Variants in GLIS1 observed in about 807,000 individuals in gnomAD.
GLIS1 encodes the protein GLIS family zinc finger 1.
Under a neutral mutation model 63.8 loss-of-function variants are expected in GLIS1, and 24 were observed. That is an observed-to-expected ratio of 0.38 (90% CI 0.27 to 0.53). The LOEUF (loss-of-function observed/expected upper bound fraction) is 0.53, where lower values mean the gene tolerates loss of function less well. GLIS1 is among the 20% of genes least tolerant of loss of function. The pLI is 0.85. For missense variants in GLIS1, 1,036 were observed against 1,074.1 expected (o/e 0.96, Z 0.50); for synonymous variants, 450 against 482.5 (o/e 0.93, Z 0.88).
At chr1:53,689,080 T>C (rs538732778) in intron 2 of GLIS1, among the ~76,000 whole-genome samples, 1 of 152,340 alleles carries the variant, frequency 6.6e-6, no homozygotes, top group East Asian at 1.9e-4. Flanking sequence ...TCTCAGGTCG[T>C]TTGATGGTCT....
intron 4 of GLIS1, among the ~76,000 whole-genome samples, chr1:53,554,524 ATC>A (rs1644796751): frequency 6.6e-6 from 1 of 152,192 alleles, no homozygotes; most frequent in African/African-American, 2.4e-5. Context: ...CACACAGCAC[ATC>A]TGAGGAGGAG....
chr1:53,545,136 C>T (rs1391221994), intron 4 of GLIS1, among the ~76,000 whole-genome samples: 1 of 152,224 alleles, frequency 6.6e-6, no homozygotes, highest in Admixed American at 6.5e-5. Flanking sequence ...TCTGTGAAAA[C>T]CACCTAATAC....
intron 2 of GLIS1, among the ~76,000 whole-genome samples, chr1:53,723,995 G>A (rs12043385): frequency 0.12 from 18,575 of 152,224 alleles, 1,191 homozygotes; most frequent in East Asian, 0.23. Context: ...CACCAGGTCT[G>A]GCCACTCAAA....
At chr1:53,671,361 A>C (rs1646148702) in intron 2 of GLIS1, among the ~76,000 whole-genome samples, 1 of 152,078 alleles carries the variant, frequency 6.6e-6, no homozygotes, top group African/African-American at 2.4e-5. Context: ...AGGTGAAAAT[A>C]CTCTCCTCCT....
intron 2 of GLIS1, among the ~76,000 whole-genome samples, chr1:53,603,187 G>A (rs1645335902): frequency 6.6e-6 from 1 of 152,154 alleles, no homozygotes; most frequent in African/African-American, 2.4e-5. Context: ...GAAGGGGGAA[G>A]GCGCCACTCA....
intron 2 of GLIS1, among the ~76,000 whole-genome samples, chr1:53,643,395 A>T (rs945155294): frequency 6.6e-6 from 1 of 152,158 alleles, no homozygotes; most frequent in Non-Finnish European, 1.5e-5. Context: ...GGGTGGAGTC[A>T]CCTGAACTTG....
Position 53,737,995 on chromosome 1 carries a change from C to G in GLIS1, c.70G>C (p.Asp24His), listed in dbSNP as rs1010742600. 1 of 1,230,506 alleles carries G rather than the reference C, an allele frequency of 8.1e-7. No individual in the cohort carries two copies. The highest frequency in any genetic ancestry group is 1.0e-6 in the Non-Finnish European group (1 of 987,156). 76.2% of individuals were successfully genotyped at this position (1,230,506 alleles called of 1,614,324 possible). Residue 24 changes from aspartate (D) to histidine (H), a missense_variant, in exon 2 of 11, where the codon GAC becomes CAC. Around this residue, in one of 3 missense-constraint regions of GLIS1, gnomAD observed 592 missense variants for 593.9 expected, o/e 1.00. Transcript: ENST00000628545. ...GCGCCGAGGCTGGCGGGGCCGCGGT[C>G]GGGGCCGGGCGCACCAGGGGCCTCC... ...PKEAPGAPGP[D>H]RGPASLGAHM...
At chr1:53,552,902 C>T (rs1282465547) in intron 4 of GLIS1, among the ~76,000 whole-genome samples, 1 of 152,232 alleles carries the variant, frequency 6.6e-6, no homozygotes, top group Non-Finnish European at 1.5e-5. Context: ...AAACATTTAG[C>T]AACCCTGGGA....
Position 53,590,589 on chromosome 1 carries a change from G to C in GLIS1, c.1320+3519C>G, listed in dbSNP as rs1015346448. Among the ~76,000 whole-genome samples, 6 of 152,276 alleles carry C rather than the reference G, an allele frequency of 3.9e-5. No homozygotes were observed. In the South Asian group the frequency reaches 1.0e-3, roughly 26 times the overall value. On this transcript the variant is annotated intron_variant, in intron 4 of 10. Transcript: ENST00000628545. ...TGGGAGAACCAACCTAAGAAAGCAT[G>C]AAATTAATCTGTTCAAAGTTAATGT...
At chr1:53,671,488 T>C (rs576780530) in intron 2 of GLIS1, among the ~76,000 whole-genome samples, 21 of 152,318 alleles carry the variant, frequency 1.4e-4, no homozygotes, top group African/African-American at 4.3e-4. Context: ...TGTTGGCTCC[T>C]GGAAACGAGA....
At chr1:53,733,212 A>G (rs1451485289) in intron 2 of GLIS1, among the ~76,000 whole-genome samples, 2 of 152,248 alleles carry the variant, frequency 1.3e-5, no homozygotes, top group African/African-American at 4.8e-5. Context: ...CACTGTAAAA[A>G]TAAGTGTGCT....
intron 4 of GLIS1, among the ~76,000 whole-genome samples, chr1:53,593,453 ATG>A (rs1645213421): frequency 6.6e-6 from 1 of 152,220 alleles, no homozygotes; most frequent in African/African-American, 2.4e-5. Context: ...GCGTGCATGC[ATG>A]TGTGTGTGCA....
chr1:53,620,492 G>A lies in GLIS1; in HGVS notation c.260-20214C>T, dbSNP rs180687009. On this transcript the variant is annotated intron_variant, in intron 2 of 10. Transcript: ENST00000628545. ...GCTCACTGCCAAGCACAGGGACCCC[G>A]TCGGCGGCTTGGCCATGAATGAGTA... Among the ~76,000 whole-genome samples, 416 of 152,348 alleles carry A rather than the reference G, an allele frequency of 2.7e-3. 4 individuals carry two copies. Among genetic ancestry groups the A allele is most frequent in the Admixed American group, 4.1e-3 (63 of 15,298 alleles).
chr1:53,709,395 CATAT>C (rs201281751), intron 2 of GLIS1, among the ~76,000 whole-genome samples: 6 of 22,058 alleles, frequency 2.7e-4, no homozygotes, highest in Admixed American at 1.6e-3. Flanking sequence ...CATATATATA[CATAT>C]ACATATATAT....
chr1:53,732,228 AG>A (rs1327040738), intron 2 of GLIS1, among the ~76,000 whole-genome samples: 1 of 152,244 alleles, frequency 6.6e-6, no homozygotes, highest in Non-Finnish European at 1.5e-5. Context: ...TTGGAGTTTA[AG>A]GGGGAAAAAG....
rs543257254 is a variant in GLIS1, at chr1:53,730,048, T to C, written c.259+7758A>G. On this transcript the variant is annotated intron_variant, in intron 2 of 10. Coordinates refer to ENST00000628545, the MANE Select transcript of GLIS1 (RefSeq NM_001367484.1). ...TTACGATATGCTTAAAATTATATTA[T>C]CATTCTCTGCCTTGAGGGTTGGACT... Among the ~76,000 whole-genome samples, 13 of 152,306 alleles carry C rather than the reference T, an allele frequency of 8.5e-5. No individual in the cohort carries two copies. The South Asian group carries it at 2.7e-3, about 32-fold the overall frequency.
intron 2 of GLIS1, among the ~76,000 whole-genome samples, chr1:53,612,644 A>C (rs1284732715): frequency 5.3e-5 from 8 of 152,140 alleles, no homozygotes. Context: ...TCCACAGCAC[A>C]GTAAGGCTAT....
In GLIS1 at chr1:53,506,452, C is replaced by A. The variant is rs547441794; in HGVS notation, c.*167G>T. 3.7e-4 allele frequency: 249 copies of A among 679,248 alleles called. No individual in the cohort carries two copies. In the East Asian group the frequency reaches 6.8e-3, roughly 19 times the overall value. The allele number at this position is 679,248 out of a possible 1,614,324, so 42.1% of individuals were successfully genotyped here. On this transcript the variant is annotated 3_prime_UTR_variant, in exon 11 of 11. Transcript: ENST00000628545. ...CCCAGCTCAAGCTCGGATGGCGGCT[C>A]CCTGGCAGCGCTGGGTGGGGTGGCA... is the stretch of plus-strand genomic sequence containing the variant.
intron 4 of GLIS1, among the ~76,000 whole-genome samples, chr1:53,588,984 A>G (rs1466124019): frequency 6.6e-6 from 1 of 152,208 alleles, no homozygotes; most frequent in East Asian, 1.9e-4. Context: ...TGAGCCCAGA[A>G]CCCCAATCAA....
Sources: gnomAD v4.1 joint callset for allele counts (sites outside exome capture counted in the v4.1 genomes callset) on GRCh38, gnomAD v4.1.1 for gene constraint, gnomAD v4.1.1 regional missense constraint, MANE v1.5 for transcripts, NCBI Gene and HGNC (gene_info 2026-07-23, HGNC 2026-07-21) for gene names.